Variants in POFUT3 observed in about 807,000 individuals in gnomAD.
POFUT3 encodes the protein protein O-fucosyltransferase 3.
chr8:33,334,709 G>A, the POFUT3 span, among the ~76,000 whole-genome samples: 5 of 152,208 alleles, frequency 3.3e-5, no homozygotes, highest in Non-Finnish European at 7.3e-5. Flanking sequence ...TAATAGCAGA[G>A]TTAAAACTAC....
the POFUT3 span, among the ~76,000 whole-genome samples, chr8:33,427,462 C>T: frequency 2.0e-5 from 3 of 151,902 alleles, no homozygotes; most frequent in Admixed American, 6.6e-5. Flanking sequence ...GCCTGTAATC[C>T]CAGCTACTCA....
At chr8:33,357,663 C>G in the POFUT3 span, among the ~76,000 whole-genome samples, 1 of 151,908 alleles carries the variant, frequency 6.6e-6, no homozygotes, top group African/African-American at 2.4e-5. Flanking sequence ...TTAATTCTCT[C>G]AATCCCAAAA....
the POFUT3 span, among the ~76,000 whole-genome samples, chr8:33,443,054 A>T: frequency 1.3e-5 from 2 of 152,174 alleles, no homozygotes; most frequent in Non-Finnish European, 2.9e-5. Context: ...CAGAAGGTGC[A>T]GTGAGCCAAG....
the POFUT3 span, among the ~76,000 whole-genome samples, chr8:33,442,300 T>G: frequency 0.04 from 4,942 of 124,734 alleles, 104 homozygotes; most frequent in East Asian, 0.099. Flanking sequence ...CTTTTTTTTT[T>G]GGGGGGGGAC....
the POFUT3 span, among the ~76,000 whole-genome samples, chr8:33,395,529 C>T: frequency 1.3e-5 from 2 of 151,996 alleles, no homozygotes; most frequent in Non-Finnish European, 2.9e-5. Context: ...TCCAGCTCCC[C>T]ATCCCACTGA....
At chr8:33,312,291 G>A in the POFUT3 span, among the ~76,000 whole-genome samples, 4 of 150,122 alleles carry the variant, frequency 2.7e-5, no homozygotes, top group Admixed American at 1.3e-4. Flanking sequence ...GAGAGAGAGA[G>A]AGAGAGAGAA....
chr8:33,372,452 T>G, the POFUT3 span: 2 of 1,448,632 alleles, frequency 1.4e-6, no homozygotes, highest in Non-Finnish European at 1.8e-6. Context: ...TTATGAGTAC[T>G]GCAGCAACTA....
At chr8:33,423,818 T>TAAA in the POFUT3 span, among the ~76,000 whole-genome samples, 15,692 of 69,936 alleles carry the variant, frequency 0.22, 4,535 homozygotes, top group South Asian at 0.39. Context: ...GCACACCAAG[T>TAAA]AAAAAAAAAA....
chr8:33,390,772 G>A, the POFUT3 span, among the ~76,000 whole-genome samples: 3 of 152,100 alleles, frequency 2.0e-5, no homozygotes, highest in Non-Finnish European at 4.4e-5. Context: ...GAGAAATAAA[G>A]AAGGCCTAAC....
the POFUT3 span, among the ~76,000 whole-genome samples, chr8:33,350,712 A>G: frequency 6.6e-6 from 1 of 152,102 alleles, no homozygotes; most frequent in Admixed American, 6.5e-5. Context: ...AATTGATCAT[A>G]TATATATTTG....
chr8:33,319,712 T>C, the POFUT3 span, among the ~76,000 whole-genome samples: 2 of 73,982 alleles, frequency 2.7e-5, no homozygotes, highest in Non-Finnish European at 4.3e-5. Context: ...TTATATATAT[T>C]TATATAATAT....
At chr8:33,404,919 T>C in the POFUT3 span, among the ~76,000 whole-genome samples, 1 of 152,074 alleles carries the variant, frequency 6.6e-6, no homozygotes, top group Admixed American at 6.6e-5. Flanking sequence ...AGCAGAGTTG[T>C]AGATGAGACC....
the POFUT3 span, among the ~76,000 whole-genome samples, chr8:33,318,215 T>C: frequency 6.6e-6 from 1 of 151,884 alleles, no homozygotes; most frequent in South Asian, 2.1e-4. Context: ...CCTGCTGTTT[T>C]GTATTTTCGT....
the POFUT3 span, among the ~76,000 whole-genome samples, chr8:33,422,618 G>A: frequency 7.5e-6 from 1 of 133,796 alleles, no homozygotes; most frequent in Non-Finnish European, 1.6e-5. Context: ...CCACCCCAAA[G>A]CCCCAGGCTC....
At chr8:33,380,032 A>AG in the POFUT3 span, among the ~76,000 whole-genome samples, 2 of 75,132 alleles carry the variant, frequency 2.7e-5, no homozygotes, top group Non-Finnish European at 4.6e-5. Context: ...TATATACTAT[A>AG]TATATACGAT....
At chr8:33,375,013 TG>T in the POFUT3 span, among the ~76,000 whole-genome samples, 4 of 151,988 alleles carry the variant, frequency 2.6e-5, no homozygotes, top group Non-Finnish European at 5.9e-5. Flanking sequence ...CCCAAGTAGC[TG>T]AGATTACAGG....
the POFUT3 span, among the ~76,000 whole-genome samples, chr8:33,334,250 C>T: frequency 1.3e-5 from 2 of 151,924 alleles, no homozygotes; most frequent in African/African-American, 2.4e-5. Context: ...CAGAGTCTCA[C>T]TCTGTTGCCC....
chr8:33,338,649 C>A, the POFUT3 span, among the ~76,000 whole-genome samples: 2 of 152,148 alleles, frequency 1.3e-5, no homozygotes, highest in African/African-American at 4.8e-5. Context: ...ACCCCCATTG[C>A]AGTATCAGTA....
the POFUT3 span, chr8:33,473,125 CAAGCCTGGGCGCCGGG>C: frequency 6.6e-6 from 1 of 152,136 alleles, no homozygotes; most frequent in Admixed American, 6.5e-5. Flanking sequence ...CCTATGAGCC[CAAGCCTGGGCGCCGGG>C]AAGACCCGAA....
Sources: allele counts gnomAD v4.1 joint callset (sites outside exome capture counted in the v4.1 genomes callset), GRCh38; gene constraint gnomAD v4.1.1; transcripts MANE v1.5; gene names NCBI Gene and HGNC (gene_info 2026-07-23, HGNC 2026-07-21).